Variants in FAM163A observed in about 807,000 individuals in gnomAD.
FAM163A encodes the protein family with sequence similarity 163 member A.
Under a neutral mutation model 12.0 loss-of-function variants are expected in FAM163A, and 7 were observed. The observed-to-expected ratio is 0.58, with a 90% CI of 0.33 to 1.10. FAM163A has a LOEUF of 1.10. FAM163A is among the 50% of genes least tolerant of loss of function. The probability of loss-of-function intolerance (pLI) is 0.03; values close to 1 mark genes in which losing one functional copy is unlikely to be tolerated. For missense variants in FAM163A, 202 were observed against 218.6 expected (o/e 0.92, Z 0.48); for synonymous variants, 101 against 91.0 (o/e 1.11, Z -0.62).
chr1:179,790,218 CTTTTTTTTT>C (rs1168192716), intron 1 of FAM163A, among the ~76,000 whole-genome samples: 1 of 91,670 alleles, frequency 1.1e-5, no homozygotes, highest in African/African-American at 4.6e-5. Context: ...AGCTGACTTC[CTTTTTTTTT>C]TTTTTTTTTT....
At chr1:179,739,050 A>G (rs568439175), upstream of FAM163A, among the ~76,000 whole-genome samples, 3 of 152,184 alleles carry the variant, frequency 2.0e-5, no homozygotes, top group African/African-American at 7.2e-5. Flanking sequence ...ACAAAGGTGC[A>G]AAAGCAATTA....
intron 2 of FAM163A, among the ~76,000 whole-genome samples, chr1:179,808,174 G>C (rs893386712): frequency 1.3e-5 from 2 of 151,892 alleles, no homozygotes; most frequent in African/African-American, 4.8e-5. Flanking sequence ...CACAGCACTG[G>C]CCCGTGGGCC....
At chr1:179,764,440 G>A (rs1687220576) in intron 1 of FAM163A, among the ~76,000 whole-genome samples, 1 of 152,152 alleles carries the variant, frequency 6.6e-6, no homozygotes, top group African/African-American at 2.4e-5. Context: ...AACAGGTTGT[G>A]CAACCTCTCA....
intron 1 of FAM163A, among the ~76,000 whole-genome samples, chr1:179,773,275 G>T (rs1455805831): frequency 1.1e-4 from 16 of 152,052 alleles, no homozygotes; most frequent in Admixed American, 9.8e-4. Flanking sequence ...GAACTGTTTT[G>T]TATCTTGACT....
intron 2 of FAM163A, among the ~76,000 whole-genome samples, chr1:179,811,120 A>ATAAATAGGG (rs1694646562): frequency 6.6e-6 from 1 of 152,150 alleles, no homozygotes; most frequent in Non-Finnish European, 1.5e-5. Context: ...GGAGGGAAAG[A>ATAAATAGGG]TAAATAGGGT....
rs190645028 is a variant in FAM163A at position 179,791,467 on chromosome 1, G to T, written c.-135-16331G>T. ...AGGAGGCAGTTCTTTGGGGACAGGG[G>T]ATGGAACCTGTACAATTAGAGCTGG... On this transcript the variant is annotated intron_variant, in intron 1 of 4. Transcript: ENST00000341785. Among the ~76,000 whole-genome samples, 909 of 152,312 alleles carry T rather than the reference G, an allele frequency of 6.0e-3. 5 individuals are homozygous for T. The highest frequency in any genetic ancestry group is 9.0e-3 in the Non-Finnish European group (611 of 68,028).
the FAM163A span, among the ~76,000 whole-genome samples, chr1:179,738,148 A>G: frequency 6.6e-6 from 1 of 152,304 alleles, no homozygotes; most frequent in East Asian, 1.9e-4. Flanking sequence ...TAACAGATAC[A>G]AAAGTACAGC....
upstream of FAM163A, among the ~76,000 whole-genome samples, chr1:179,740,796 G>A (rs554231562): frequency 9.9e-5 from 15 of 152,120 alleles, no homozygotes; most frequent in Non-Finnish European, 1.6e-4. Context: ...GGGATCTTGC[G>A]GTGGTGGAAA....
chr1:179,751,977 A>C (rs533285043), intron 1 of FAM163A, among the ~76,000 whole-genome samples: 1 of 152,258 alleles, frequency 6.6e-6, no homozygotes, highest in Non-Finnish European at 1.5e-5. Flanking sequence ...ATGGAACCAC[A>C]AAAGACCCCA....
At chr1:179,800,822 G>A (rs1398104602) in intron 1 of FAM163A, among the ~76,000 whole-genome samples, 1 of 152,222 alleles carries the variant, frequency 6.6e-6, no homozygotes, top group Non-Finnish European at 1.5e-5. Context: ...TCAGGAGCCT[G>A]AGGTTCATGT....
intron 1 of FAM163A, among the ~76,000 whole-genome samples, chr1:179,805,209 T>A (rs978260917): frequency 6.6e-6 from 1 of 152,136 alleles, no homozygotes. Flanking sequence ...ATAGATACAG[T>A]CCACTCAGAC....
intron 4 of FAM163A, among the ~76,000 whole-genome samples, chr1:179,813,536 T>C (rs1694984864): frequency 6.6e-6 from 1 of 152,114 alleles, no homozygotes; most frequent in Non-Finnish European, 1.5e-5. Context: ...ATATGATGTG[T>C]GTGTCCCTGC....
At chr1:179,732,834 T>A in the FAM163A span, among the ~76,000 whole-genome samples, 1 of 123,246 alleles carries the variant, frequency 8.1e-6, no homozygotes, top group Non-Finnish European at 1.6e-5. Context: ...TGAGCTGAGA[T>A]CGCACCACTA....
At chr1:179,795,010 C>T (rs1166438446) in intron 1 of FAM163A, among the ~76,000 whole-genome samples, 1 of 152,164 alleles carries the variant, frequency 6.6e-6, no homozygotes, top group African/African-American at 2.4e-5. Context: ...CCACCACCAC[C>T]TGCCAGCAGC....
chr1:179,752,298 T>G (rs1486421567), intron 1 of FAM163A, among the ~76,000 whole-genome samples: 2 of 151,970 alleles, frequency 1.3e-5, no homozygotes, highest in East Asian at 3.9e-4. Context: ...AAAAATCAAT[T>G]CAAAATGGAT....
At chr1:179,747,790 T>G (rs182768402) in intron 1 of FAM163A, among the ~76,000 whole-genome samples, 355 of 152,272 alleles carry the variant, frequency 2.3e-3, no homozygotes, top group Admixed American at 3.5e-3. Context: ...TCAGTTGAAA[T>G]TTCTGCAGTA....
At chr1:179,752,357 C>A (rs1378223935) in intron 1 of FAM163A, among the ~76,000 whole-genome samples, 2 of 151,048 alleles carry the variant, frequency 1.3e-5, no homozygotes, top group African/African-American at 4.9e-5. Context: ...CAGAAGAAAA[C>A]ATAGGGGAAA....
At chr1:179,762,323 CTT>C (rs925089859) in intron 1 of FAM163A, among the ~76,000 whole-genome samples, 16 of 152,206 alleles carry the variant, frequency 1.1e-4, no homozygotes, top group Admixed American at 3.3e-4. Flanking sequence ...TCAGGAGAGT[CTT>C]TTTTCCAGGG....
rs78278622 is a variant in FAM163A, at chr1:179,786,626, C to T, written c.-135-21172C>T. Among the ~76,000 whole-genome samples, 20 of 152,284 alleles carry T rather than the reference C, an allele frequency of 1.3e-4. No homozygotes were observed. In the East Asian group the frequency reaches 3.9e-3, roughly 29 times the overall value. Reference sequence around the variant, plus strand: ...GACATAATTGTGCCCATTGAATCCTCAAGACAACCCAGTAAGGAAGACACA... The same window carrying T: ...GACATAATTGTGCCCATTGAATCCTTAAGACAACCCAGTAAGGAAGACACA... On this transcript the variant is annotated intron_variant, in intron 1 of 4. Transcript: ENST00000341785.
Sources: gnomAD v4.1 joint callset for allele counts (sites outside exome capture counted in the v4.1 genomes callset) on GRCh38, gnomAD v4.1.1 for gene constraint, MANE v1.5 for transcripts, NCBI Gene and HGNC (gene_info 2026-07-23, HGNC 2026-07-21) for gene names.